Variants in ODAD4 observed in about 807,000 individuals in gnomAD.
The protein encoded by ODAD4 is outer dynein arm-docking complex subunit 4.
Under a neutral mutation model 51.8 loss-of-function variants are expected in ODAD4, and 49 were observed. The observed-to-expected ratio is 0.95, with a 90% CI of 0.75 to 1.20. ODAD4 has a LOEUF of 1.20. Ranked by LOEUF, ODAD4 falls within the 50% of genes most tolerant of loss-of-function variation. The pLI, the probability that ODAD4 is intolerant of heterozygous loss-of-function variation, is 0.00. For missense variants in ODAD4, 590 were observed against 586.5 expected (o/e 1.01, Z -0.06); for synonymous variants, 235 against 221.3 (o/e 1.06, Z -0.55).
chr17:41,956,564 G>A (rs112287401), intron 10 of ODAD4, among the ~76,000 whole-genome samples: 2 of 150,282 alleles, frequency 1.3e-5, no homozygotes, highest in Non-Finnish European at 3.0e-5. Context: ...GTGTTGCTGG[G>A]ACTCGGCAAC....
rs781971732 is a variant in ODAD4 at position 41,965,146 on chromosome 17, G to A, written c.1682G>A (p.Ser561Asn). 1.0e-5 allele frequency: 8 copies of A among 773,158 alleles called. No individual in the cohort carries two copies. Among genetic ancestry groups the A allele is most frequent in the Admixed American group, 1.7e-5 (1 of 57,706 alleles). 47.9% of individuals were successfully genotyped at this position (773,158 alleles called of 1,614,324 possible). A position where few individuals can be genotyped will look rare whatever the true frequency, so the allele number is the denominator to read the frequency against. The part of the protein sequence containing the change: ...DDEAFGEALQ[S>N]PASGKQSVEA... ...GAGGCTTTTGGGGAAGCTCTGCAGA[G>A]CCCAGCAAGCGGAAAGCAGAGTGTG... Residue 561 changes from serine (S) to asparagine (N), a missense_variant, in exon 12 of 12, where the codon AGC becomes AAC. By Grantham distance (46) the Ser-to-Asn change is conservative. Around this residue, in one of 3 missense-constraint regions of ODAD4, gnomAD observed 226 missense variants for 162.7 expected, o/e 1.39. Coordinates refer to ENST00000377540, the MANE Select transcript of ODAD4 (RefSeq NM_031421.5).
chr17:41,960,365 G>A (rs1415826551), intron 10 of ODAD4, among the ~76,000 whole-genome samples: 5 of 152,054 alleles, frequency 3.3e-5, no homozygotes, highest in South Asian at 4.1e-4. Context: ...GGAGAATGGC[G>A]TGAACCCAGG....
At chr17:41,952,365 C>CAAA (rs140105127) in intron 9 of ODAD4, among the ~76,000 whole-genome samples, 15 of 87,174 alleles carry the variant, frequency 1.7e-4, no homozygotes, top group Admixed American at 2.7e-4. Flanking sequence ...GACTCTGTAT[C>CAAA]AAAAAAAAAA....
rs1567933048 is a variant in ODAD4 at position 41,944,433 on chromosome 17, CA to C, written c.1059-702del. Among the ~76,000 whole-genome samples, 42 of 5,760 alleles carry C rather than the reference CA, an allele frequency of 7.3e-3. No individual in the cohort carries two copies. The East Asian group carries it at 0.089, about 12-fold the overall frequency. The allele number at this position is 5,760 out of a possible 152,430, so 3.8% of individuals were successfully genotyped here. ...ACACACACACACACACACACACACA[CA>C]CACACACACACCCCCCCGCATACAC... On this transcript the variant is annotated intron_variant, in intron 7 of 11. Transcript: ENST00000377540.
chr17:41,953,206 G>A (rs536584499), intron 9 of ODAD4, among the ~76,000 whole-genome samples: 5 of 151,990 alleles, frequency 3.3e-5, no homozygotes, highest in South Asian at 2.1e-4. Flanking sequence ...GATTACATGC[G>A]TCCACCACCA....
chr17:41,960,949 G>GA, intron 10 of ODAD4, among the ~76,000 whole-genome samples: 1 of 152,312 alleles, frequency 6.6e-6, no homozygotes, highest in East Asian at 1.9e-4. Context: ...AGACATTCTG[G>GA]AAGGCCCTTC....
chr17:41,961,543 C>G, intron 11 of ODAD4, 77 bp downstream of exon 11: 1 of 702,304 alleles, frequency 1.4e-6, no homozygotes, highest in Non-Finnish European at 2.6e-6. Context: ...GAGACACATG[C>G]GACAGCAGCT....
At chr17:41,960,682 C>T (rs540070932) in intron 10 of ODAD4, among the ~76,000 whole-genome samples, 8 of 152,250 alleles carry the variant, frequency 5.3e-5, no homozygotes, top group African/African-American at 9.6e-5. Flanking sequence ...ACCAGGCCCC[C>T]GACCCCTCAC....
intron 2 of ODAD4, 76 bp from the exon 3 acceptor site, chr17:41,935,523 G>T (rs2050412548): frequency 4.5e-6 from 7 of 1,545,672 alleles, no homozygotes; most frequent in South Asian, 1.2e-5. Flanking sequence ...TTCAACCCAG[G>T]ACCCTTCTGT....
chr17:41,961,375 TCCACAGG>T lies in ODAD4; in HGVS notation c.1444-4_1446del, dbSNP rs1386733389. 2 of 740,866 alleles carry T rather than the reference TCCACAGG, an allele frequency of 2.7e-6. No homozygotes were observed. The highest frequency in any genetic ancestry group is 5.0e-6 in the Non-Finnish European group (2 of 398,052). The allele number at this position is 740,866 out of a possible 1,614,324, so 45.9% of individuals were successfully genotyped here. A position where few individuals can be genotyped will look rare whatever the true frequency, so the allele number is the denominator to read the frequency against. On this transcript the variant is annotated splice_acceptor_variant and splice_polypyrimidine_tract_variant and coding_sequence_variant and intron_variant, in exon 11 of 12. Transcript: ENST00000377540. LOFTEE classifies it high-confidence loss of function. ...CACAGGGGCTAAGCTCCCTCTACCA[TCCACAGG>T]CCTTGGACGATGCCAACAAGGGTAT...
intron 10 of ODAD4, among the ~76,000 whole-genome samples, chr17:41,960,429 T>C (rs2050789424): frequency 6.6e-6 from 1 of 150,540 alleles, no homozygotes. Context: ...GCATGCATGA[T>C]AGAGCGAGAC....
In ODAD4 at chr17:41,935,334, C is replaced by T. The variant is rs782799405; in HGVS notation, c.232C>T (p.Pro78Ser). The change falls in exon 2 of 12, where the codon CCA becomes TCA. Residue 78 changes from proline to serine, a missense_variant. Pro to Ser is a moderately conservative substitution (Grantham distance 74). Around this residue, in one of 3 missense-constraint regions of ODAD4, gnomAD observed 360 missense variants for 407.5 expected, o/e 0.88. Coordinates refer to ENST00000377540, the MANE Select transcript of ODAD4 (RefSeq NM_031421.5). The stretch of plus-strand genomic sequence containing the variant: ...TGCTGAGGCTTCGCTCCAGAGTGAC[C>T]CAGCTTTCTGTAAGGTGACTGCATG... The part of the protein sequence containing the change: ...KDAEASLQSD[P>S]AFCKGILQKA... 1 of 1,613,676 alleles carries T rather than the reference C, an allele frequency of 6.2e-7. No individual in the cohort carries two copies. Among genetic ancestry groups the T allele is most frequent in the Non-Finnish European group, 8.5e-7 (1 of 1,179,844 alleles).
intron 10 of ODAD4, among the ~76,000 whole-genome samples, chr17:41,955,714 G>A (rs1426856887): frequency 1.3e-5 from 2 of 152,112 alleles, no homozygotes; most frequent in African/African-American, 2.4e-5. Context: ...GTGAGCCACT[G>A]TGCCCAGCCA....
At chr17:41,943,515 G>A (rs2050535606) in intron 7 of ODAD4, among the ~76,000 whole-genome samples, 1 of 152,214 alleles carries the variant, frequency 6.6e-6, no homozygotes, top group African/African-American at 2.4e-5. Context: ...CATTCTTAAG[G>A]GAGGGGGAGA....
At chr17:41,950,992 A>G (rs915769496) in intron 9 of ODAD4, among the ~76,000 whole-genome samples, 134,184 of 152,138 alleles carry the variant, frequency 0.88, 59,553 homozygotes, top group East Asian at 1. Flanking sequence ...TTATAGGCAT[A>G]AGCCACTGCA....
rs2050888658 is a variant in ODAD4 at position 41,966,436 on chromosome 17, T to G, written c.*953T>G. Among the ~76,000 whole-genome samples the G allele has an allele frequency of 6.6e-6, 1 of 152,210 alleles. No homozygotes were observed. Among genetic ancestry groups the G allele is most frequent in the African/African-American group, 2.4e-5 (1 of 41,444 alleles). On this transcript the variant is annotated 3_prime_UTR_variant, in exon 12 of 12. Transcript: ENST00000377540. ...TCCAATGTGGTAAAAAAAAAAGTTT[T>G]TAATTAATGCAAAAGTCCATGATGA...
chr17:41,949,211 G>A lies in ODAD4; in HGVS notation c.1204G>A (p.Glu402Lys), dbSNP rs1291052072. ...CCTGGAGAAGACCTGGCTGTTCCAC[G>A]AGATCGGCCGCTGCTACTTGGAGCT... ...TTLEKTWLFH[E>K]IGRCYLELDQ... Residue 402 changes from glutamate (E) to lysine (K), a missense_variant, in exon 9 of 12, where the codon GAG becomes AAG. Physicochemically the swap from Glu to Lys is moderately conservative, Grantham distance 56. This residue lies in a region of ODAD4 where 226 missense variants were observed against 162.7 expected (regional missense o/e 1.39). Coordinates refer to ENST00000377540, the MANE Select transcript of ODAD4 (RefSeq NM_031421.5). The A allele has an allele frequency of 1.0e-5, 4 of 398,490 alleles. No individual in the cohort carries two copies. Among genetic ancestry groups the A allele is most frequent in the Non-Finnish European group, 1.8e-5 (4 of 226,110 alleles). The allele number at this position is 398,490 out of a possible 1,614,324, so 24.7% of individuals were successfully genotyped here. A position where few individuals can be genotyped will look rare whatever the true frequency, so the allele number is the denominator to read the frequency against.
At chr17:41,945,815 C>T (rs1437082065) in intron 8 of ODAD4, among the ~76,000 whole-genome samples, 1 of 152,090 alleles carries the variant, frequency 6.6e-6, no homozygotes, top group African/African-American at 2.4e-5. Flanking sequence ...GCAGGAGAAT[C>T]GCTTGAACCC....
chr17:41,952,559 A>C (rs1335557764), intron 9 of ODAD4: 92 of 322,684 alleles, frequency 2.9e-4, no homozygotes, highest in African/African-American at 1.3e-3. Flanking sequence ...AAAAAAAAAA[A>C]AAAAAAAAAA....
Sources: allele counts gnomAD v4.1 joint callset (sites outside exome capture counted in the v4.1 genomes callset), GRCh38; gene constraint gnomAD v4.1.1; regional missense constraint gnomAD v4.1.1; transcripts MANE v1.5; gene names NCBI Gene and HGNC (gene_info 2026-07-23, HGNC 2026-07-21).